Variants in BCAS4 observed in about 807,000 individuals in gnomAD.
The protein encoded by BCAS4 is breast carcinoma amplified sequence 4.
BCAS4 carries 9 observed loss-of-function variants against 15.7 expected under a neutral mutation model. The observed-to-expected ratio is 0.57, with a 90% CI of 0.34 to 1.00. BCAS4 has a LOEUF of 1.00. Ranked by LOEUF, BCAS4 falls within the 50% of genes least tolerant of loss-of-function variation. The pLI is 0.02. For missense variants in BCAS4, 225 were observed against 239.1 expected, an observed-to-expected ratio of 0.94 and a Z score of 0.39; for synonymous variants, 101 against 99.5, an observed-to-expected ratio of 1.02 and a Z score of -0.09.
chr20:50,866,065 TCTC>T (rs1979343472), intron 4 of BCAS4, among the ~76,000 whole-genome samples: 1 of 151,934 alleles, frequency 6.6e-6, no homozygotes, highest in Non-Finnish European at 1.5e-5. Context: ...CAGTTGAGTC[TCTC>T]CTCAGCCTTT....
chr20:50,836,492 A>G (rs1291921316), intron 3 of BCAS4, among the ~76,000 whole-genome samples: 1 of 152,160 alleles, frequency 6.6e-6, no homozygotes, highest in Non-Finnish European at 1.5e-5. Flanking sequence ...AGGACAAACT[A>G]TTATGGTGGT....
intron 4 of BCAS4, among the ~76,000 whole-genome samples, chr20:50,863,187 G>A (rs910782101): frequency 6.8e-6 from 1 of 147,062 alleles, no homozygotes; most frequent in African/African-American, 2.5e-5. Flanking sequence ...GCTCCTTAGA[G>A]TAGTATTTGT....
intron 1 of BCAS4, among the ~76,000 whole-genome samples, chr20:50,800,339 G>A (rs1199284901): frequency 6.6e-6 from 1 of 151,984 alleles, no homozygotes; most frequent in Non-Finnish European, 1.5e-5. Context: ...GGGTTTTTGG[G>A]GGATGGAGAG....
intron 1 of BCAS4, 25 bp from the exon 2 acceptor site, chr20:50,818,186 C>A: frequency 6.2e-7 from 1 of 1,605,950 alleles, no homozygotes; most frequent in Non-Finnish European, 8.5e-7. Flanking sequence ...ACTTGCTAAT[C>A]TCCAGGATAT....
At chr20:50,797,599 T>C (rs1334522910) in intron 1 of BCAS4, among the ~76,000 whole-genome samples, 1 of 152,140 alleles carries the variant, frequency 6.6e-6, no homozygotes, top group Non-Finnish European at 1.5e-5. Flanking sequence ...AAAAATAACA[T>C]GAGCATGTAT....
chr20:50,803,014 C>G (rs1235499923), intron 1 of BCAS4, among the ~76,000 whole-genome samples: 1 of 152,160 alleles, frequency 6.6e-6, no homozygotes, highest in African/African-American at 2.4e-5. Flanking sequence ...AACCCAGTCT[C>G]TACAAAAAAT....
At chr20:50,864,088 T>C (rs1051775999) in intron 4 of BCAS4, among the ~76,000 whole-genome samples, 2 of 152,230 alleles carry the variant, frequency 1.3e-5, no homozygotes, top group Admixed American at 6.5e-5. Context: ...TCCTTTTGAC[T>C]GATAGCACAG....
At chr20:50,835,793 G>A (rs1439586583) in intron 3 of BCAS4, among the ~76,000 whole-genome samples, 1 of 152,134 alleles carries the variant, frequency 6.6e-6, no homozygotes, top group Non-Finnish European at 1.5e-5. Flanking sequence ...CTGCACGTCT[G>A]CTTTCCTTAG....
At chr20:50,822,156 T>C (rs1600860693) in intron 2 of BCAS4, among the ~76,000 whole-genome samples, 2 of 152,222 alleles carry the variant, frequency 1.3e-5, no homozygotes, top group South Asian at 4.1e-4. Context: ...GGCTGGTTGG[T>C]GTAACTTGCC....
chr20:50,873,428 A>G (rs1384199167), intron 4 of BCAS4, among the ~76,000 whole-genome samples: 1 of 152,150 alleles, frequency 6.6e-6, no homozygotes, highest in Admixed American at 6.5e-5. Context: ...GTCTTTTCAG[A>G]TCACAGAACA....
Position 50,876,537 on chromosome 20 carries a change from A to G in BCAS4, c.451A>G (p.Thr151Ala). 1 of 1,614,070 alleles carries G rather than the reference A, an allele frequency of 6.2e-7. No individual in the cohort carries two copies. Among genetic ancestry groups the G allele is most frequent in the Non-Finnish European group, 8.5e-7 (1 of 1,180,004 alleles). Residue 151 changes from threonine to alanine, a missense_variant, in exon 5 of 5, where the codon ACG (threonine) becomes GCG (alanine). By Grantham distance (58) the Thr-to-Ala change is moderately conservative. Coordinates refer to ENST00000371608, the MANE Select transcript of BCAS4 (RefSeq NM_198799.4). ...GTACGAGCTGCCCACACTGTATAGG[A>G]CGGAGGACTATTTTCCTGTGGACGC... ...VTYELPTLYR[T>A]EDYFPVDAGE...
intron 1 of BCAS4, among the ~76,000 whole-genome samples, chr20:50,812,146 T>A (rs973530594): frequency 2.0e-5 from 3 of 151,914 alleles, no homozygotes; most frequent in Non-Finnish European, 4.4e-5. Context: ...TTATTTATTT[T>A]TTTTGAGATG....
chr20:50,832,712 C>G (rs539022771), intron 3 of BCAS4: 7 of 152,498 alleles, frequency 4.6e-5, no homozygotes, highest in African/African-American at 1.7e-4. Flanking sequence ...TTTCCAGATT[C>G]TAGCACTGCC....
chr20:50,879,706 G>A (rs1980080346), downstream of BCAS4: 1 of 152,268 alleles, frequency 6.6e-6, no homozygotes, highest in African/African-American at 2.4e-5. Context: ...GCAACGTTGA[G>A]TGTCCTAAAG....
intron 3 of BCAS4, among the ~76,000 whole-genome samples, chr20:50,833,240 C>T (rs563870935): frequency 1.3e-5 from 2 of 152,242 alleles, no homozygotes; most frequent in East Asian, 3.9e-4. Context: ...AAAGGGGACT[C>T]GGACCCCAGT....
chr20:50,813,779 T>G (rs1408529893), intron 1 of BCAS4, among the ~76,000 whole-genome samples: 4 of 146,126 alleles, frequency 2.7e-5, no homozygotes, highest in Non-Finnish European at 5.9e-5. Context: ...ACTGCCACTT[T>G]GTGAGAAGCG....
At chr20:50,840,597 T>C (rs1250572216) in intron 3 of BCAS4, 10 of 1,576,660 alleles carry the variant, frequency 6.3e-6, no homozygotes, top group Non-Finnish European at 7.8e-6. Context: ...ACAGTGCATA[T>C]TGACGGCACA....
intron 4 of BCAS4, among the ~76,000 whole-genome samples, chr20:50,875,628 AAAATT>A (rs550566527): frequency 1.3e-5 from 2 of 151,862 alleles, no homozygotes; most frequent in South Asian, 2.1e-4. Flanking sequence ...AAAAAGAAAA[AAAATT>A]AGCCGGGCGT....
chr20:50,870,978 C>T (rs6126110), intron 4 of BCAS4, among the ~76,000 whole-genome samples: 2,966 of 152,236 alleles, frequency 0.019, 63 homozygotes, highest in South Asian at 0.041. Flanking sequence ...ACATTCCTGC[C>T]TGCGGCCCGG....
Sources: allele counts gnomAD v4.1 joint callset (sites outside exome capture counted in the v4.1 genomes callset), GRCh38; gene constraint gnomAD v4.1.1; transcripts MANE v1.5; gene names NCBI Gene and HGNC (gene_info 2026-07-23, HGNC 2026-07-21).